Variants in GNB1 observed in about 807,000 individuals in gnomAD.
GNB1 encodes G protein subunit beta 1.
In GNB1, 2 loss-of-function variants were observed where a neutral mutation model predicts 42.9. The ratio of observed to expected loss-of-function variants is 0.05; its 90% CI spans 0.02 to 0.15. The LOEUF is 0.15. Ranked by LOEUF, GNB1 falls within the 10% of genes least tolerant of loss-of-function variation. The pLI is 1.00. For synonymous variants in GNB1, 183 were observed against 174.7 expected, an observed-to-expected ratio of 1.05 and a Z score of -0.38; for missense variants, 193 against 462.2, an observed-to-expected ratio of 0.42 and a Z score of 5.34.
At chr1:1,868,718 T>A (rs1018259965) in intron 1 of GNB1, among the ~76,000 whole-genome samples, 3 of 151,646 alleles carry the variant, frequency 2.0e-5, no homozygotes, top group African/African-American at 7.3e-5. Flanking sequence ...AGGCGGAGGT[T>A]GCAGTGAGCC....
chr1:1,890,366 C>G (rs1448464091), intron 1 of GNB1: 1 of 151,126 alleles, frequency 6.6e-6, no homozygotes, highest in African/African-American at 2.4e-5. Context: ...AAAGTCACCC[C>G]GATAGGCGGC....
intron 1 of GNB1, among the ~76,000 whole-genome samples, chr1:1,840,390 T>C (rs540084330): frequency 2.0e-5 from 3 of 152,182 alleles, no homozygotes; most frequent in South Asian, 2.1e-4. Flanking sequence ...TCGCCGAGCG[T>C]AGTGGCAGGC....
intron 1 of GNB1, among the ~76,000 whole-genome samples, chr1:1,878,299 G>C (rs935256867): frequency 2.6e-5 from 4 of 152,212 alleles, no homozygotes; most frequent in Admixed American, 2.0e-4. Context: ...GGACTGGAAG[G>C]CTAAGGTTGT....
intron 1 of GNB1, among the ~76,000 whole-genome samples, chr1:1,850,422 C>T (rs1210713986): frequency 2.0e-5 from 3 of 151,922 alleles, no homozygotes; most frequent in Non-Finnish European, 2.9e-5. Context: ...GGTGAGCCAC[C>T]GCGCCCAGCC....
chr1:1,821,808 T>G (rs1646933728), intron 3 of GNB1, among the ~76,000 whole-genome samples: 1 of 152,204 alleles, frequency 6.6e-6, no homozygotes, highest in Non-Finnish European at 1.5e-5. Flanking sequence ...TAATTACACA[T>G]TGCATAATAA....
At chr1:1,867,249 G>T (rs1403622746) in intron 1 of GNB1, among the ~76,000 whole-genome samples, 1 of 152,182 alleles carries the variant, frequency 6.6e-6, no homozygotes, top group African/African-American at 2.4e-5. Context: ...CCTGGCAAGA[G>T]CGAAACTCCA....
At chr1:1,822,637 C>A (rs1323626185) in intron 3 of GNB1, among the ~76,000 whole-genome samples, 1 of 152,088 alleles carries the variant, frequency 6.6e-6, no homozygotes, top group African/African-American at 2.4e-5. Flanking sequence ...TTTTATGTGG[C>A]AACAAGAGCA....
chr1:1,872,980 A>G (rs1160087069), intron 1 of GNB1, among the ~76,000 whole-genome samples: 1 of 152,148 alleles, frequency 6.6e-6, no homozygotes, highest in Non-Finnish European at 1.5e-5. Flanking sequence ...GTGATGAAAA[A>G]TGGCCACGGT....
At chr1:1,873,417 C>A (rs1183916855) in intron 1 of GNB1, among the ~76,000 whole-genome samples, 1 of 152,218 alleles carries the variant, frequency 6.6e-6, no homozygotes, top group Non-Finnish European at 1.5e-5. Flanking sequence ...CAATGGGAAG[C>A]ACAAGCCAGC....
chr1:1,879,006 T>A (rs1412970008), intron 1 of GNB1, among the ~76,000 whole-genome samples: 1 of 152,232 alleles, frequency 6.6e-6, no homozygotes, highest in Non-Finnish European at 1.5e-5. Flanking sequence ...CTCCTTTAAG[T>A]GTTTCTCTTC....
intron 1 of GNB1, among the ~76,000 whole-genome samples, chr1:1,857,743 C>A (rs1479260166): frequency 6.6e-6 from 1 of 152,146 alleles, no homozygotes; most frequent in Non-Finnish European, 1.5e-5. Flanking sequence ...TGGATAGTAC[C>A]ACACTTTATA....
chr1:1,858,995 A>G (rs1648456201), intron 1 of GNB1, among the ~76,000 whole-genome samples: 1 of 150,980 alleles, frequency 6.6e-6, no homozygotes, highest in Non-Finnish European at 1.5e-5. Flanking sequence ...AATAAAATAC[A>G]GTTTCCTTCA....
chr1:1,858,109 T>TA (rs1483186827), intron 1 of GNB1, among the ~76,000 whole-genome samples: 1 of 152,128 alleles, frequency 6.6e-6, no homozygotes, highest in Non-Finnish European at 1.5e-5. Flanking sequence ...ACACACAAAA[T>TA]AAAAACACAA....
intron 1 of GNB1, among the ~76,000 whole-genome samples, chr1:1,884,078 G>C (rs1650011543): frequency 6.7e-6 from 1 of 148,744 alleles, no homozygotes; most frequent in African/African-American, 2.5e-5. Flanking sequence ...CGATTCTCTT[G>C]CCTCTGCCTC....
At position 1,785,601 on chromosome 1, in the gene GNB1, A is replaced by G. The variant is rs1167756826; in HGVS notation, c.*1462T>C. On this transcript the variant is annotated 3_prime_UTR_variant, in exon 12 of 12. Coordinates refer to ENST00000378609, the MANE Select transcript of GNB1 (RefSeq NM_002074.5). ...TGCGGGGGGCGGGGCGGGGGGTCCC[A>G]CAGAACCTGCTTTCCAAACGCTGCT... 1 of 185,502 alleles carries G rather than the reference A, an allele frequency of 5.4e-6. No individual in the cohort carries two copies. The highest frequency in any genetic ancestry group is 1.1e-5 in the Non-Finnish European group (1 of 90,452). The allele number at this position is 185,502 out of a possible 1,614,324, so 11.5% of individuals were successfully genotyped here.
At chr1:1,822,456 C>T (rs1435696736) in intron 3 of GNB1, among the ~76,000 whole-genome samples, 2 of 151,918 alleles carry the variant, frequency 1.3e-5, no homozygotes, top group African/African-American at 4.8e-5. Flanking sequence ...GCGCCCACCA[C>T]CACCACACCT....
At chr1:1,877,447 T>A (rs1356197525) in intron 1 of GNB1, among the ~76,000 whole-genome samples, 1 of 151,774 alleles carries the variant, frequency 6.6e-6, no homozygotes, top group Non-Finnish European at 1.5e-5. Flanking sequence ...ATTTCCTGAT[T>A]GAGAGATTAT....
rs565748816 is a variant in GNB1 at position 1,849,024 on chromosome 1, A to T, written c.-95-9786T>A. Among the ~76,000 whole-genome samples the T allele has an allele frequency of 2.2e-4, 33 of 152,370 alleles. No homozygotes were observed. The South Asian group carries it at 4.8e-3, about 22-fold the overall frequency. On this transcript the variant is annotated intron_variant, in intron 1 of 11. Coordinates refer to ENST00000378609, the MANE Select transcript of GNB1 (RefSeq NM_002074.5). ...GATAGAGGCTGGTCACCAGAAAGAC[A>T]AACCATGACATTAGACGGTTGGGGT...
intron 5 of GNB1, among the ~76,000 whole-genome samples, chr1:1,808,887 G>A (rs762009731): frequency 3.3e-5 from 5 of 152,008 alleles, no homozygotes; most frequent in South Asian, 2.1e-4. Context: ...CAAGTGATCC[G>A]CCCACCTTGG....
Sources: gnomAD v4.1 joint callset for allele counts (sites outside exome capture counted in the v4.1 genomes callset) on GRCh38, gnomAD v4.1.1 for gene constraint, MANE v1.5 for transcripts, NCBI Gene and HGNC (gene_info 2026-07-23, HGNC 2026-07-21) for gene names.